Variants in AKR1C8 observed in about 807,000 individuals in gnomAD.
AKR1C8 encodes the protein aldo-keto reductase family 1 member C8.
the AKR1C8 span, chr10:5,157,615 C>T: frequency 4.9e-5 from 23 of 466,496 alleles, no homozygotes; most frequent in East Asian, 4.2e-4. Flanking sequence ...CACTCTGGAG[C>T]GACTCTGCTC....
the AKR1C8 span, among the ~76,000 whole-genome samples, chr10:5,143,083 C>G: frequency 6.6e-6 from 1 of 152,024 alleles, no homozygotes; most frequent in Admixed American, 6.6e-5. Context: ...GGTAGGGCAT[C>G]ATTTCTGGGT....
the AKR1C8 span, among the ~76,000 whole-genome samples, chr10:5,166,004 GA>G: frequency 1.3e-5 from 2 of 151,962 alleles, no homozygotes; most frequent in South Asian, 4.2e-4. Flanking sequence ...GAGGATGAGA[GA>G]AAAAAGGAAA....
the AKR1C8 span, among the ~76,000 whole-genome samples, chr10:5,151,088 C>T: frequency 1.3e-5 from 2 of 152,056 alleles, no homozygotes; most frequent in East Asian, 3.9e-4. Context: ...TCCTCTTGCA[C>T]TGAGTCAGTT....
chr10:5,157,967 T>C, the AKR1C8 span, among the ~76,000 whole-genome samples: 1 of 152,120 alleles, frequency 6.6e-6, no homozygotes, highest in African/African-American at 2.4e-5. Context: ...ATAAATGCAG[T>C]GAACTGGAAA....
chr10:5,161,469 C>T, the AKR1C8 span, among the ~76,000 whole-genome samples: 2 of 152,176 alleles, frequency 1.3e-5, no homozygotes, highest in African/African-American at 4.8e-5. Context: ...GAGACCCTCC[C>T]ACTAAAGAGG....
chr10:5,126,143 G>A, the AKR1C8 span, among the ~76,000 whole-genome samples: 3 of 152,114 alleles, frequency 2.0e-5, no homozygotes, highest in Admixed American at 2.0e-4. Flanking sequence ...CTCATGAAGG[G>A]TCTTGGAGAA....
chr10:5,141,497 T>TC, the AKR1C8 span, among the ~76,000 whole-genome samples: 1 of 152,168 alleles, frequency 6.6e-6, no homozygotes, highest in Non-Finnish European at 1.5e-5. Context: ...CATTTACTTT[T>TC]CCTAGATTCA....
chr10:5,178,047 T>A, the AKR1C8 span, among the ~76,000 whole-genome samples: 1 of 152,102 alleles, frequency 6.6e-6, no homozygotes. Context: ...GCTCTTGCTT[T>A]TCTAGTTCTT....
chr10:5,118,368 G>T, the AKR1C8 span, among the ~76,000 whole-genome samples: 1 of 58,942 alleles, frequency 1.7e-5, no homozygotes, highest in Non-Finnish European at 4.4e-5. Context: ...ATTCTTCTTG[G>T]CCTAAGTAGC....
chr10:5,136,823 A>G, the AKR1C8 span, among the ~76,000 whole-genome samples: 1 of 152,156 alleles, frequency 6.6e-6, no homozygotes, highest in Non-Finnish European at 1.5e-5. Flanking sequence ...AATAGTAACC[A>G]AAGAAAAGGT....
At chr10:5,128,962 C>T in the AKR1C8 span, among the ~76,000 whole-genome samples, 32,494 of 151,906 alleles carry the variant, frequency 0.21, 3,607 homozygotes, top group Middle Eastern at 0.35. Flanking sequence ...ACATTCTACC[C>T]GCCAACTGCG....
chr10:5,131,580 A>AG, the AKR1C8 span, among the ~76,000 whole-genome samples: 2 of 152,120 alleles, frequency 1.3e-5, no homozygotes, highest in Admixed American at 1.3e-4. Flanking sequence ...ATATGAAAAA[A>AG]GGTTCAACAT....
chr10:5,170,541 T>G, the AKR1C8 span, among the ~76,000 whole-genome samples: 3 of 152,122 alleles, frequency 2.0e-5, no homozygotes, highest in South Asian at 6.2e-4. Context: ...ATTTATGAAT[T>G]TGTACCATTA....
chr10:5,162,646 T>G, the AKR1C8 span, among the ~76,000 whole-genome samples: 1 of 152,314 alleles, frequency 6.6e-6, no homozygotes, highest in Non-Finnish European at 1.5e-5. Context: ...ATTTTATACA[T>G]GAATACTGTC....
At chr10:5,129,254 A>G in the AKR1C8 span, among the ~76,000 whole-genome samples, 1 of 151,958 alleles carries the variant, frequency 6.6e-6, no homozygotes, top group African/African-American at 2.4e-5. Flanking sequence ...CACAATGAAG[A>G]CCTCTGGAAT....
At chr10:5,134,364 T>G in the AKR1C8 span, among the ~76,000 whole-genome samples, 1 of 152,198 alleles carries the variant, frequency 6.6e-6, no homozygotes. Flanking sequence ...AAATTTTATA[T>G]GACTAGTCCT....
chr10:5,162,009 T>C, the AKR1C8 span: 19 of 522,158 alleles, frequency 3.6e-5, no homozygotes, highest in Admixed American at 3.8e-4. Context: ...GGATTATAAT[T>C]TCACACATTT....
chr10:5,172,081 T>A, the AKR1C8 span, among the ~76,000 whole-genome samples: 1 of 152,080 alleles, frequency 6.6e-6, no homozygotes, highest in Non-Finnish European at 1.5e-5. Flanking sequence ...AGATAAGGTT[T>A]GACTTATTCC....
chr10:5,182,870 A>G, the AKR1C8 span, among the ~76,000 whole-genome samples: 41 of 151,910 alleles, frequency 2.7e-4, 1 homozygote, highest in Non-Finnish European at 1.6e-4. Flanking sequence ...AGATCATGCC[A>G]TTGCACTCCA....
Sources: allele counts gnomAD v4.1 joint callset (sites outside exome capture counted in the v4.1 genomes callset), GRCh38; gene constraint gnomAD v4.1.1; transcripts MANE v1.5; gene names NCBI Gene and HGNC (gene_info 2026-07-23, HGNC 2026-07-21).